Variants in ZNF385D observed in about 807,000 individuals in gnomAD.
The protein encoded by ZNF385D is zinc finger protein 659.
Under a neutral mutation model 35.8 loss-of-function variants are expected in ZNF385D, and 15 were observed. The ratio of observed to expected loss-of-function variants is 0.42; its 90% CI spans 0.28 to 0.64. ZNF385D has a LOEUF of 0.64. Among genes scored for constraint, ZNF385D ranks in the 30% least tolerant of loss-of-function variants. The probability of loss-of-function intolerance (pLI) is 0.23; values close to 1 mark genes in which losing one functional copy is unlikely to be tolerated. For missense variants in ZNF385D, 474 were observed against 494.6 expected, an observed-to-expected ratio of 0.96 and a Z score of 0.39; for synonymous variants, 212 against 186.8, an observed-to-expected ratio of 1.13 and a Z score of -1.10.
At chr3:22,095,276 ATAT>A (rs780274137) in intron 3 of ZNF385D, among the ~76,000 whole-genome samples, 15 of 151,940 alleles carry the variant, frequency 9.9e-5, no homozygotes, top group Non-Finnish European at 1.8e-4. Flanking sequence ...AAATCGTTTT[ATAT>A]TATTATTTTA....
intron 3 of ZNF385D, among the ~76,000 whole-genome samples, chr3:22,023,754 G>C (rs979512606): frequency 1.1e-4 from 17 of 152,050 alleles, no homozygotes; most frequent in African/African-American, 4.1e-4. Flanking sequence ...AAGTCATGTA[G>C]ATCCTATATT....
intron 3 of ZNF385D, among the ~76,000 whole-genome samples, chr3:21,782,706 T>G (rs2071541319): frequency 6.6e-6 from 1 of 152,138 alleles, no homozygotes; most frequent in Non-Finnish European, 1.5e-5. Context: ...AGAATTAAAT[T>G]GGACAAGATT....
chr3:22,328,580 C>G (rs1049514551), intron 2 of ZNF385D, among the ~76,000 whole-genome samples: 2 of 151,606 alleles, frequency 1.3e-5, no homozygotes. Context: ...CTGGCCAACA[C>G]GGTGAAACCT....
chr3:21,969,639 C>T lies in ZNF385D; in HGVS notation c.325+199178G>A, dbSNP rs191839945. On this transcript the variant is annotated intron_variant, in intron 3 of 5. Transcript: ENST00000494108. ...GTGCCAGGGTAACTCATCATCCTGA[C>T]GAGAAGGAAACGAAGCTGGCTGGAT... is the stretch of plus-strand genomic sequence containing the variant. 1.1e-3 allele frequency among the ~76,000 whole-genome samples: 163 copies of T among 152,236 alleles called. 1 individual carries two copies. The highest frequency in any genetic ancestry group is 1.5e-3 in the Non-Finnish European group (104 of 68,028).
At position 21,976,080 on chromosome 3, in the gene ZNF385D, T is replaced by C. The variant is rs544320461; in HGVS notation, c.325+192737A>G. 3.3e-5 allele frequency among the ~76,000 whole-genome samples: 5 copies of C among 152,206 alleles called. No homozygotes were observed. The South Asian group carries it at 8.3e-4, about 25-fold the overall frequency. On this transcript the variant is annotated intron_variant, in intron 3 of 5. Transcript: ENST00000494108. ...CACCTTGAGGGATGCACCATGTATA[T>C]GGGGAAAACTAGAGGGATCCTGAAC...
chr3:21,691,376 A>C (rs1321696255), intron 1 of ZNF385D, among the ~76,000 whole-genome samples: 1 of 152,002 alleles, frequency 6.6e-6, no homozygotes, highest in East Asian at 1.9e-4. Context: ...CAGATGTTCC[A>C]CAGTTTTGTA....
chr3:21,987,499 C>T (rs1305870466), intron 3 of ZNF385D, among the ~76,000 whole-genome samples: 15 of 126,138 alleles, frequency 1.2e-4, no homozygotes, highest in Middle Eastern at 3.7e-3. Context: ...TATTGGCCCC[C>T]ACTCTCTTCT....
intron 3 of ZNF385D, among the ~76,000 whole-genome samples, chr3:22,046,925 T>A (rs1394215065): frequency 6.6e-6 from 1 of 152,134 alleles, no homozygotes; most frequent in Non-Finnish European, 1.5e-5. Context: ...TATATAAGAT[T>A]CATTAGATAA....
chr3:22,371,733 A>C (rs1406174456), intron 2 of ZNF385D, among the ~76,000 whole-genome samples: 1 of 152,124 alleles, frequency 6.6e-6, no homozygotes, highest in Non-Finnish European at 1.5e-5. Flanking sequence ...CCAGGTACTC[A>C]ATGGAAGCGT....
At chr3:22,206,126 A>T (rs1697134997) in intron 2 of ZNF385D, among the ~76,000 whole-genome samples, 3 of 152,044 alleles carry the variant, frequency 2.0e-5, no homozygotes, top group Non-Finnish European at 4.4e-5. Context: ...AGGCAGGAAC[A>T]GCTATACTTA....
At chr3:22,309,231 C>T (rs773605623) in intron 2 of ZNF385D, among the ~76,000 whole-genome samples, 2 of 152,070 alleles carry the variant, frequency 1.3e-5, no homozygotes, top group Non-Finnish European at 2.9e-5. Flanking sequence ...CTAAGAAAGG[C>T]AGCACCATCT....
chr3:21,707,913 T>C (rs2067967711), intron 1 of ZNF385D, among the ~76,000 whole-genome samples: 1 of 152,182 alleles, frequency 6.6e-6, no homozygotes, highest in African/African-American at 2.4e-5. Flanking sequence ...CTTAGTGACC[T>C]GAAGTCACTT....
At chr3:21,520,532 T>C (rs73134904) in intron 3 of ZNF385D, among the ~76,000 whole-genome samples, 9,362 of 152,208 alleles carry the variant, frequency 0.062, 958 homozygotes, top group African/African-American at 0.21. Context: ...AGGGGATTTT[T>C]ATGGCACTTA....
intron 3 of ZNF385D, among the ~76,000 whole-genome samples, chr3:21,927,608 A>T (rs1700794243): frequency 6.6e-6 from 1 of 152,214 alleles, no homozygotes; most frequent in Non-Finnish European, 1.5e-5. Flanking sequence ...CTTTAGATTT[A>T]AAAACACAAA....
chr3:21,571,534 C>T (rs1464161844), intron 2 of ZNF385D, among the ~76,000 whole-genome samples: 4 of 152,072 alleles, frequency 2.6e-5, no homozygotes, highest in Non-Finnish European at 4.4e-5. Context: ...AAAAGTTTTT[C>T]AAAATGGTTG....
intron 3 of ZNF385D, chr3:21,878,284 CTG>C (rs1454020385): frequency 5.3e-5 from 8 of 151,920 alleles, no homozygotes; most frequent in Admixed American, 2.0e-4. Flanking sequence ...AGCAGTCTGA[CTG>C]TGGATTCAAA....
intron 3 of ZNF385D, among the ~76,000 whole-genome samples, chr3:22,125,520 C>G (rs1204978652): frequency 6.6e-6 from 1 of 152,002 alleles, no homozygotes; most frequent in Non-Finnish European, 1.5e-5. Context: ...AACATTTTAA[C>G]AATATTATTT....
At chr3:21,974,871 T>C (rs1199384634) in intron 3 of ZNF385D, among the ~76,000 whole-genome samples, 1 of 152,068 alleles carries the variant, frequency 6.6e-6, no homozygotes, top group Non-Finnish European at 1.5e-5. Flanking sequence ...CACTGAGATA[T>C]CATCTTATCC....
intron 3 of ZNF385D, among the ~76,000 whole-genome samples, chr3:21,896,820 C>CTT (rs11410914): frequency 1.5e-3 from 215 of 147,054 alleles, no homozygotes; most frequent in African/African-American, 4.5e-3. Context: ...GTTCTTAATA[C>CTT]TTTTTTTTTT....
Sources: gnomAD v4.1 joint callset for allele counts (sites outside exome capture counted in the v4.1 genomes callset) on GRCh38, gnomAD v4.1.1 for gene constraint, MANE v1.5 for transcripts, NCBI Gene and HGNC (gene_info 2026-07-23, HGNC 2026-07-21) for gene names.